ST6GAL1: variants seen among roughly 807,000 people sequenced by gnomAD.
ST6GAL1 encodes beta-galactoside alpha-2,6-sialyltransferase 1.
Under a neutral mutation model 38.0 loss-of-function variants are expected in ST6GAL1, and 20 were observed. That is an observed-to-expected ratio of 0.53 (90% CI 0.37 to 0.77). The LOEUF is 0.77. ST6GAL1 is among the 30% of genes least tolerant of loss of function. The pLI is 0.00. For synonymous variants in ST6GAL1, 196 were observed against 188.2 expected, an observed-to-expected ratio of 1.04 and a Z score of -0.34; for missense variants, 432 against 496.4, an observed-to-expected ratio of 0.87 and a Z score of 1.23.
intron 2 of ST6GAL1, among the ~76,000 whole-genome samples, chr3:187,030,986 G>T (rs939365260): frequency 6.6e-6 from 1 of 152,176 alleles, no homozygotes; most frequent in African/African-American, 2.4e-5. Flanking sequence ...AGTGGGGAGG[G>T]ATGGTGTCAG....
At chr3:186,951,036 T>C (rs1714557542) in intron 1 of ST6GAL1, among the ~76,000 whole-genome samples, 1 of 152,228 alleles carries the variant, frequency 6.6e-6, no homozygotes, top group Non-Finnish European at 1.5e-5. Context: ...TAGAAAAGCA[T>C]AGTGTCATCC....
intron 2 of ST6GAL1, among the ~76,000 whole-genome samples, chr3:186,990,778 G>A (rs1579301446): frequency 6.7e-6 from 1 of 149,420 alleles, no homozygotes; most frequent in Non-Finnish European, 1.5e-5. Flanking sequence ...GTACCATTGC[G>A]CTCCGGCCTG....
At chr3:186,999,282 A>G (rs1254288998) in intron 2 of ST6GAL1, among the ~76,000 whole-genome samples, 1 of 152,242 alleles carries the variant, frequency 6.6e-6, no homozygotes, top group African/African-American at 2.4e-5. Context: ...GCATAGGAAC[A>G]GCTCAGCTAT....
In ST6GAL1 at chr3:187,020,812, A is replaced by T. The variant is rs373430424; in HGVS notation, c.-182-17930A>T. Among the ~76,000 whole-genome samples the T allele has an allele frequency of 5.3e-5, 8 of 152,334 alleles. No individual in the cohort carries two copies. In the East Asian group the frequency reaches 9.6e-4, roughly 18 times the overall value. ...AGTGGCCCTGAGGCAGTTGGGCCAT[A>T]GTCTGGTTTTATACATTTTAGGGAG... On this transcript the variant is annotated intron_variant, in intron 2 of 7. Transcript: ENST00000169298.
Position 187,078,081 on chromosome 3 carries a change from C to A in ST6GAL1, c.*2278C>A, listed in dbSNP as rs1346785042. 6.6e-6 allele frequency: 1 copy of A among 152,606 alleles called. No individual in the cohort carries two copies. The highest frequency in any genetic ancestry group is 2.1e-4 in the South Asian group (1 of 4,828). 9.5% of individuals were successfully genotyped at this position (152,606 alleles called of 1,614,324 possible). ...TGATTTTAATCTTCGAATCATGACA[C>A]TGAGTGCAGAGGAGGTGGCATTCCG... On this transcript the variant is annotated 3_prime_UTR_variant, in exon 8 of 8. Transcript: ENST00000169298.
In ST6GAL1 at chr3:187,006,796, T is replaced by C. The variant is rs374987089; in HGVS notation, c.-182-31946T>C. Among the ~76,000 whole-genome samples, 131 of 152,344 alleles carry C rather than the reference T, an allele frequency of 8.6e-4. 3 individuals are homozygous for C. The South Asian group carries it at 0.026, about 30-fold the overall frequency. On this transcript the variant is annotated intron_variant, in intron 2 of 7. Coordinates refer to ENST00000169298, the MANE Select transcript of ST6GAL1 (RefSeq NM_173216.2). Reference sequence around the variant, plus strand: ...TTCCAGTCATCTCCTTAGACTCAGATGTTTGAACAAAGAGAATCGTGAAAA... The same window carrying C: ...TTCCAGTCATCTCCTTAGACTCAGACGTTTGAACAAAGAGAATCGTGAAAA...
chr3:187,015,195 G>A (rs372377473), intron 2 of ST6GAL1, among the ~76,000 whole-genome samples: 7 of 152,140 alleles, frequency 4.6e-5, no homozygotes, highest in East Asian at 1.9e-4. Flanking sequence ...ACTCTCTTGC[G>A]TACGAAGGGA....
chr3:187,054,969 T>G (rs2108589625), intron 5 of ST6GAL1, among the ~76,000 whole-genome samples: 1 of 152,320 alleles, frequency 6.6e-6, no homozygotes, highest in Middle Eastern at 3.4e-3. Context: ...TTGCCTCAAT[T>G]TCAGAGCCTG....
intron 1 of ST6GAL1, among the ~76,000 whole-genome samples, chr3:186,935,702 G>C (rs993533628): frequency 1.3e-5 from 2 of 152,098 alleles, no homozygotes; most frequent in African/African-American, 4.8e-5. Context: ...ATTCTGACTG[G>C]TGTGAGACCA....
At chr3:187,051,924 T>C (rs901068025) in intron 5 of ST6GAL1, among the ~76,000 whole-genome samples, 1 of 152,180 alleles carries the variant, frequency 6.6e-6, no homozygotes, top group African/African-American at 2.4e-5. Context: ...TGTTAGTATA[T>C]TTTATTAGTG....
rs780345394 is a variant in ST6GAL1, at chr3:187,076,263, G to A, written c.*460G>A. 1 of 170,238 alleles carries A rather than the reference G, an allele frequency of 5.9e-6. No homozygotes were observed. The highest frequency in any genetic ancestry group is 2.4e-5 in the African/African-American group (1 of 41,884). The allele number at this position is 170,238 out of a possible 1,614,324, so 10.5% of individuals were successfully genotyped here. A position where few individuals can be genotyped will look rare whatever the true frequency, so the allele number is the denominator to read the frequency against. On this transcript the variant is annotated 3_prime_UTR_variant, in exon 8 of 8. Transcript: ENST00000169298. ...ATTGTGCCCAATGCAGGGTGGCTCTGGGGGGCAAGTAGGTGGTACAGGGGA... is the reference window on the plus strand; with the variant it reads ...ATTGTGCCCAATGCAGGGTGGCTCTAGGGGGCAAGTAGGTGGTACAGGGGA...
At chr3:187,049,754 C>T (rs961915381) in intron 4 of ST6GAL1, among the ~76,000 whole-genome samples, 21 of 152,352 alleles carry the variant, frequency 1.4e-4, no homozygotes, top group Non-Finnish European at 1.3e-4. Context: ...CTGGGATTCT[C>T]ACCAATAATT....
At chr3:187,035,748 A>G (rs927778621) in intron 2 of ST6GAL1, among the ~76,000 whole-genome samples, 5 of 152,260 alleles carry the variant, frequency 3.3e-5, no homozygotes, top group African/African-American at 1.2e-4. Context: ...ATATACAAAA[A>G]TTAACTCAAG....
intron 5 of ST6GAL1, among the ~76,000 whole-genome samples, chr3:187,061,406 A>AC (rs1246753821): frequency 6.6e-6 from 1 of 152,176 alleles, no homozygotes; most frequent in Non-Finnish European, 1.5e-5. Flanking sequence ...ACCTCAAGGG[A>AC]CCCCGATTAA....
chr3:187,027,069 TAA>T (rs1024477361), intron 2 of ST6GAL1, among the ~76,000 whole-genome samples: 1 of 148,782 alleles, frequency 6.7e-6, no homozygotes, highest in African/African-American at 2.5e-5. Flanking sequence ...AATAAATAAA[TAA>T]AAAATAAAAA....
At chr3:187,019,989 C>G (rs979551139) in intron 2 of ST6GAL1, among the ~76,000 whole-genome samples, 33 of 152,142 alleles carry the variant, frequency 2.2e-4, no homozygotes, top group Non-Finnish European at 4.4e-4. Flanking sequence ...AAGAGCACTA[C>G]CAGTTTGTTG....
intron 2 of ST6GAL1, among the ~76,000 whole-genome samples, chr3:187,011,107 G>A (rs111351878): frequency 6.6e-6 from 1 of 152,162 alleles, no homozygotes; most frequent in African/African-American, 2.4e-5. Context: ...CAAGTGATTC[G>A]CTTGCCTCAG....
intron 3 of ST6GAL1, 78 bp from the exon 4 acceptor site, chr3:187,042,576 C>T (rs1337809314): frequency 7.5e-7 from 1 of 1,328,534 alleles, no homozygotes; most frequent in Non-Finnish European, 1.0e-6. Flanking sequence ...AAATCTATTG[C>T]TCAGTCCATC....
chr3:187,011,660 A>G (rs956206686), intron 2 of ST6GAL1, among the ~76,000 whole-genome samples: 1 of 152,214 alleles, frequency 6.6e-6, no homozygotes, highest in African/African-American at 2.4e-5. Flanking sequence ...TGCTGCTGGT[A>G]TCTGCGTCAT....
Sources: gnomAD v4.1 joint callset for allele counts (sites outside exome capture counted in the v4.1 genomes callset) on GRCh38, gnomAD v4.1.1 for gene constraint, MANE v1.5 for transcripts, NCBI Gene and HGNC (gene_info 2026-07-23, HGNC 2026-07-21) for gene names.